The following GRM5 variants were observed in gnomAD, a reference collection of about 807,000 sequenced individuals.
GRM5 encodes the protein metabotropic glutamate receptor 5.
Under a neutral mutation model 83.1 loss-of-function variants are expected in GRM5, and 19 were observed. That is an observed-to-expected ratio of 0.23 (90% CI 0.16 to 0.34). GRM5 has a LOEUF of 0.34. Ranked by LOEUF, GRM5 falls within the 10% of genes least tolerant of loss-of-function variation. The probability of loss-of-function intolerance (pLI) is 1.00; values close to 1 mark genes in which losing one functional copy is unlikely to be tolerated. For missense variants in GRM5, 1,160 were observed against 1,588.3 expected, an observed-to-expected ratio of 0.73 and a Z score of 4.58; for synonymous variants, 675 against 633.6, an observed-to-expected ratio of 1.07 and a Z score of -0.98.
chr11:88,673,429 G>A (rs1198895462), intron 3 of GRM5, among the ~76,000 whole-genome samples: 3 of 151,994 alleles, frequency 2.0e-5, no homozygotes, highest in South Asian at 2.1e-4. Context: ...TTTTAAACAT[G>A]TTAACTTTGA....
Position 88,654,941 on chromosome 11 carries a change from T to C in GRM5, c.912-1538A>G, listed in dbSNP as rs555097824. 6.6e-5 allele frequency among the ~76,000 whole-genome samples: 10 copies of C among 152,220 alleles called. No individual in the cohort carries two copies. The East Asian group carries it at 1.9e-3, about 29-fold the overall frequency. On this transcript the variant is annotated intron_variant, in intron 3 of 9. Coordinates refer to ENST00000305447, the MANE Select transcript of GRM5 (RefSeq NM_001143831.3). ...TATAAATATTGATAATTGGGAGTTATTCCAAATGTCATATATTACTTATTA... is the reference window on the plus strand; with the variant it reads ...TATAAATATTGATAATTGGGAGTTACTCCAAATGTCATATATTACTTATTA...
At chr11:88,945,414 A>T (rs968979830) in intron 2 of GRM5, among the ~76,000 whole-genome samples, 1 of 152,092 alleles carries the variant, frequency 6.6e-6, no homozygotes, top group African/African-American at 2.4e-5. Context: ...ATATGGAACA[A>T]AAAAAGAGCC....
chr11:88,907,379 G>T (rs1945422761), intron 2 of GRM5, among the ~76,000 whole-genome samples: 1 of 152,046 alleles, frequency 6.6e-6, no homozygotes, highest in South Asian at 2.1e-4. Flanking sequence ...GTCCAAAACT[G>T]CTAGTAGTGC....
intron 4 of GRM5, among the ~76,000 whole-genome samples, chr11:88,607,753 C>A (rs1938197691): frequency 6.6e-6 from 1 of 152,354 alleles, no homozygotes; most frequent in East Asian, 1.9e-4. Flanking sequence ...GCTAGGCATG[C>A]CCCTGCCTCT....
rs1354413 is a variant in GRM5, at chr11:88,558,926, T to C, written c.2630+8127A>G. 7.1e-3 allele frequency among the ~76,000 whole-genome samples: 1,072 copies of C among 151,464 alleles called. 9 individuals are homozygous for C. Among genetic ancestry groups the C allele is most frequent in the African/African-American group, 0.025 (1,033 of 41,282 alleles). On this transcript the variant is annotated intron_variant, in intron 8 of 9. Coordinates refer to ENST00000305447, the MANE Select transcript of GRM5 (RefSeq NM_001143831.3). ...GGGACTTCTTGGAGGGAAAAATTAG[T>C]AAATAGAAGCAGAGTAAAAATGTGG...
At chr11:88,970,181 T>A (rs1217559189) in intron 2 of GRM5, among the ~76,000 whole-genome samples, 1 of 152,122 alleles carries the variant, frequency 6.6e-6, no homozygotes, top group Non-Finnish European at 1.5e-5. Context: ...GTAACTTGAA[T>A]AAGCTTCTGT....
chr11:88,860,881 T>C lies in GRM5; in HGVS notation c.662-10726A>G, dbSNP rs1056093958. Among the ~76,000 whole-genome samples the C allele has an allele frequency of 4.9e-4, 75 of 152,298 alleles. 1 individual carries two copies. The highest frequency in any genetic ancestry group is 1.8e-4 in the Non-Finnish European group (12 of 68,026). On this transcript the variant is annotated intron_variant, in intron 2 of 9. Transcript: ENST00000305447. ...TTAGAGCCTTGGTGACTTTCCTCTA[T>C]AATTTAGACTTGTGCTGTCCAGTTA...
intron 2 of GRM5, among the ~76,000 whole-genome samples, chr11:89,017,028 C>A (rs187805763): frequency 1.0e-3 from 156 of 152,252 alleles, no homozygotes; most frequent in African/African-American, 3.6e-3. Flanking sequence ...TCTTCATATT[C>A]TCTCATTTAT....
chr11:89,008,946 A>G, intron 2 of GRM5: 1 of 554,692 alleles, frequency 1.8e-6, no homozygotes, highest in Non-Finnish European at 3.3e-6. Flanking sequence ...ATTTTAGCAT[A>G]ATTTTAAAAA....
At chr11:88,518,676 C>G (rs1470096595) in intron 9 of GRM5, among the ~76,000 whole-genome samples, 1 of 151,952 alleles carries the variant, frequency 6.6e-6, no homozygotes, top group Non-Finnish European at 1.5e-5. Flanking sequence ...CTGCTTCCCT[C>G]CAATCCTGAC....
intron 3 of GRM5, among the ~76,000 whole-genome samples, chr11:88,745,020 A>G (rs1942104072): frequency 6.6e-6 from 1 of 152,108 alleles, no homozygotes. Flanking sequence ...ATACTCAATT[A>G]TAATTGTTAT....
intron 2 of GRM5, among the ~76,000 whole-genome samples, chr11:89,007,276 G>A (rs1165178477): frequency 6.6e-6 from 1 of 152,148 alleles, no homozygotes; most frequent in Non-Finnish European, 1.5e-5. Flanking sequence ...CATGACCCCA[G>A]GAGAGTAGTG....
intron 2 of GRM5, among the ~76,000 whole-genome samples, chr11:89,035,798 T>G (rs2135131748): frequency 6.6e-6 from 1 of 152,152 alleles, no homozygotes; most frequent in South Asian, 2.1e-4. Context: ...GGCAGAGCAT[T>G]TAATTTAGTT....
intron 2 of GRM5, among the ~76,000 whole-genome samples, chr11:88,913,477 G>C (rs1436952705): frequency 6.6e-6 from 1 of 151,974 alleles, no homozygotes; most frequent in Non-Finnish European, 1.5e-5. Flanking sequence ...CTGTCTCAGA[G>C]CTGCATCCCT....
intron 3 of GRM5, among the ~76,000 whole-genome samples, chr11:88,842,015 T>C (rs1457993446): frequency 6.6e-6 from 1 of 152,212 alleles, no homozygotes; most frequent in African/African-American, 2.4e-5. Context: ...TGTACTGCAG[T>C]TAATTTTATG....
intron 2 of GRM5, among the ~76,000 whole-genome samples, chr11:88,993,448 G>C (rs1263390730): frequency 6.6e-6 from 1 of 152,000 alleles, no homozygotes; most frequent in African/African-American, 2.4e-5. Flanking sequence ...TGTGCTATTA[G>C]TAAATACGTC....
chr11:88,565,996 C>T (rs545666654), intron 8 of GRM5, among the ~76,000 whole-genome samples: 8 of 152,278 alleles, frequency 5.3e-5, no homozygotes, highest in Non-Finnish European at 8.8e-5. Flanking sequence ...GACTTTCCTG[C>T]AGGCTAAGTG....
At chr11:88,623,224 T>A (rs2135259542) in intron 4 of GRM5, among the ~76,000 whole-genome samples, 1 of 152,298 alleles carries the variant, frequency 6.6e-6, no homozygotes, top group Middle Eastern at 3.4e-3. Flanking sequence ...TAGCTGGGAT[T>A]ATAGCTGCCC....
intron 4 of GRM5, among the ~76,000 whole-genome samples, chr11:88,635,108 A>G (rs1440879243): frequency 6.6e-6 from 1 of 152,166 alleles, no homozygotes; most frequent in Non-Finnish European, 1.5e-5. Context: ...CCTCTTGGCT[A>G]TTGCAGCTAA....
Sources: gnomAD v4.1 joint callset for allele counts (sites outside exome capture counted in the v4.1 genomes callset) on GRCh38, gnomAD v4.1.1 for gene constraint, MANE v1.5 for transcripts, NCBI Gene and HGNC (gene_info 2026-07-23, HGNC 2026-07-21) for gene names.